TAB2: variants seen among roughly 807,000 people sequenced by gnomAD.
TAB2 encodes TGF-beta-activated kinase 1 and MAP3K7-binding protein 2.
TAB2 carries 3 observed loss-of-function variants against 65.0 expected under a neutral mutation model. The ratio of observed to expected loss-of-function variants is 0.05; its 90% CI spans 0.02 to 0.12. The LOEUF (loss-of-function observed/expected upper bound fraction) is 0.12, where lower values mean the gene tolerates loss of function less well. TAB2 is among the 10% of genes least tolerant of loss of function. The pLI is 1.00. For missense variants in TAB2, 623 were observed against 840.3 expected, an observed-to-expected ratio of 0.74 and a Z score of 3.20; for synonymous variants, 298 against 285.1, an observed-to-expected ratio of 1.05 and a Z score of -0.46.
rs77221025 is a variant in TAB2, at chr6:149,364,851, A to G, written c.-89-5058A>G. 8.8e-4 allele frequency among the ~76,000 whole-genome samples: 134 copies of G among 151,846 alleles called. 1 individual carries two copies. The East Asian group carries it at 0.024, about 27-fold the overall frequency. ...TCTTATAGTCCTAGAAACATCCACT[A>G]TGATAAACTGCACTGAATATGAAGC... On this transcript the variant is annotated intron_variant, in intron 1 of 6. Transcript: ENST00000637181.
rs551259498 is a variant in TAB2 at position 149,380,531 on chromosome 6, T to C, written c.1603+1013T>C. Among the ~76,000 whole-genome samples the C allele has an allele frequency of 5.9e-5, 9 of 152,362 alleles. No individual in the cohort carries two copies. The East Asian group carries it at 1.7e-3, about 29-fold the overall frequency. ...ATATTAATTCAAATAGAGAAATTTC[T>C]GTCATATGTTTTATCTAACCTCTTA... On this transcript the variant is annotated intron_variant, in intron 3 of 6. Coordinates refer to ENST00000637181, the MANE Select transcript of TAB2 (RefSeq NM_001292034.3).
intron 1 of TAB2, among the ~76,000 whole-genome samples, chr6:149,256,428 A>G (rs1413153591): frequency 1.3e-5 from 2 of 152,200 alleles, no homozygotes; most frequent in African/African-American, 2.4e-5. Flanking sequence ...CATACACATC[A>G]TTGCATTAGA....
intron 1 of TAB2, among the ~76,000 whole-genome samples, chr6:149,242,042 T>C (rs576608603): frequency 6.6e-6 from 1 of 152,266 alleles, no homozygotes; most frequent in Non-Finnish European, 1.5e-5. Flanking sequence ...CCTGGTGCCA[T>C]TGGGCTCCAG....
chr6:149,223,231 T>C (rs1777192084), intron 1 of TAB2, among the ~76,000 whole-genome samples: 1 of 152,248 alleles, frequency 6.6e-6, no homozygotes, highest in African/African-American at 2.4e-5. Flanking sequence ...TTATTACAGA[T>C]ACCTGAGTCT....
chr6:149,343,977 C>A (rs933591212), intron 1 of TAB2, among the ~76,000 whole-genome samples: 1 of 152,178 alleles, frequency 6.6e-6, no homozygotes, highest in Admixed American at 6.5e-5. Context: ...AAAGGCAATC[C>A]TAATATTCTA....
At chr6:149,395,157 C>G (rs1041252396) in intron 3 of TAB2, among the ~76,000 whole-genome samples, 8 of 152,210 alleles carry the variant, frequency 5.3e-5, no homozygotes, top group African/African-American at 1.9e-4. Flanking sequence ...CATGGACTTC[C>G]AAAATGCCTA....
chr6:149,344,896 G>C (rs572221585), intron 1 of TAB2, among the ~76,000 whole-genome samples: 1 of 152,264 alleles, frequency 6.6e-6, no homozygotes, highest in East Asian at 1.9e-4. Flanking sequence ...TTTAGCACAG[G>C]ACTTGGCTCA....
chr6:149,388,382 G>A (rs941757250), intron 3 of TAB2, among the ~76,000 whole-genome samples: 8 of 152,186 alleles, frequency 5.3e-5, no homozygotes, highest in African/African-American at 1.9e-4. Context: ...CCACATACCT[G>A]GGAGACAGAG....
intron 1 of TAB2, among the ~76,000 whole-genome samples, chr6:149,294,351 T>C (rs1395071454): frequency 6.6e-6 from 1 of 152,194 alleles, no homozygotes; most frequent in African/African-American, 2.4e-5. Flanking sequence ...TGTGTTCAAA[T>C]TTTTTCTTCT....
chr6:149,308,358 C>A (rs1038632124), intron 1 of TAB2, among the ~76,000 whole-genome samples: 2 of 152,136 alleles, frequency 1.3e-5, no homozygotes, highest in Admixed American at 1.3e-4. Context: ...CATGCCAACA[C>A]TGGAGTTTGG....
At chr6:149,355,945 T>C (rs147651571) in intron 1 of TAB2, among the ~76,000 whole-genome samples, 4 of 152,000 alleles carry the variant, frequency 2.6e-5, no homozygotes, top group Admixed American at 2.6e-4. Flanking sequence ...ATTTTTCAAA[T>C]GTATTGCCAC....
chr6:149,330,874 A>T (rs933403909), intron 1 of TAB2, among the ~76,000 whole-genome samples: 3 of 152,174 alleles, frequency 2.0e-5, no homozygotes, highest in African/African-American at 7.2e-5. Flanking sequence ...CAAACAAAAA[A>T]GACTATCCTT....
rs184671744 is a variant in TAB2 at position 149,227,874 on chromosome 6, C to T, written c.-121+9098C>T. On this transcript the variant is annotated intron_variant, in intron 1 of 1. Transcript: ENST00000606202. ...TGTTTATACTTGGTCTCCTTACTTT[C>T]TGTGTGTGTTTGAAACTCTTCATAA... is the stretch of plus-strand genomic sequence containing the variant. Among the ~76,000 whole-genome samples, 1,382 of 152,236 alleles carry T rather than the reference C, an allele frequency of 9.1e-3. 21 individuals carry two copies. The highest frequency in any genetic ancestry group is 0.032 in the African/African-American group (1,320 of 41,516).
At chr6:149,400,662 A>T (rs781040928) in intron 6 of TAB2, 33 of 1,613,986 alleles carry the variant, frequency 2.0e-5, no homozygotes, top group Non-Finnish European at 2.6e-5. Context: ...TCAACAGCCT[A>T]CGGGAGGTGT....
intron 1 of TAB2, among the ~76,000 whole-genome samples, chr6:149,358,640 C>CTGTGTGTGTGTGTGCGTG (rs1780746760): frequency 8.2e-6 from 1 of 121,634 alleles, no homozygotes. Flanking sequence ...CTTCAGAACT[C>CTGTGTGTGTGTGTGCGTG]TGTGTGTGTG....
At chr6:149,255,715 G>C (rs1473454161) in intron 1 of TAB2, among the ~76,000 whole-genome samples, 1 of 152,132 alleles carries the variant, frequency 6.6e-6, no homozygotes, top group South Asian at 2.1e-4. Flanking sequence ...TTCTTTCAAT[G>C]GGCCTTGATG....
At chr6:149,255,713 A>G (rs1183116749) in intron 1 of TAB2, among the ~76,000 whole-genome samples, 1 of 152,178 alleles carries the variant, frequency 6.6e-6, no homozygotes, top group Non-Finnish European at 1.5e-5. Context: ...TCTTCTTTCA[A>G]TGGGCCTTGA....
At chr6:149,226,029 G>A (rs948393030) in intron 1 of TAB2, among the ~76,000 whole-genome samples, 1 of 151,964 alleles carries the variant, frequency 6.6e-6, no homozygotes, top group African/African-American at 2.4e-5. Flanking sequence ...GCTCTGAAGC[G>A]AAACAAGGGA....
upstream of TAB2, among the ~76,000 whole-genome samples, chr6:149,314,996 C>G (rs1779226463): frequency 6.6e-6 from 1 of 151,690 alleles, no homozygotes; most frequent in African/African-American, 2.4e-5. Context: ...ATACAGAAAT[C>G]ACATTTACCA....
Sources: allele counts gnomAD v4.1 joint callset (sites outside exome capture counted in the v4.1 genomes callset), GRCh38; gene constraint gnomAD v4.1.1; transcripts MANE v1.5; gene names NCBI Gene and HGNC (gene_info 2026-07-23, HGNC 2026-07-21).